The following PGPEP1 variants were observed in gnomAD, a reference collection of about 807,000 sequenced individuals.
PGPEP1 encodes the protein pyroglutamyl-peptidase 1.
Under a neutral mutation model 24.1 loss-of-function variants are expected in PGPEP1, and 15 were observed. The ratio of observed to expected loss-of-function variants is 0.62; its 90% CI spans 0.42 to 0.96. PGPEP1 has a LOEUF of 0.96. Ranked by LOEUF, PGPEP1 falls within the 40% of genes least tolerant of loss-of-function variation. PGPEP1 has a pLI of 0.00. For synonymous variants in PGPEP1, 122 were observed against 116.4 expected, an observed-to-expected ratio of 1.05 and a Z score of -0.31; for missense variants, 242 against 273.4, an observed-to-expected ratio of 0.89 and a Z score of 0.81.
intron 1 of PGPEP1, 27 bp from the exon 2 acceptor site, chr19:18,342,832 A>T: frequency 6.3e-7 from 1 of 1,590,738 alleles, no homozygotes; most frequent in Non-Finnish European, 8.6e-7. Flanking sequence ...ACTCTTGGGT[A>T]ATATATTGCT....
intron 4 of PGPEP1, among the ~76,000 whole-genome samples, chr19:18,358,503 AC>A (rs1034707379): frequency 2.6e-5 from 4 of 151,352 alleles, no homozygotes; most frequent in Admixed American, 2.0e-4. Context: ...CAGGTGATGC[AC>A]CCACCTCTGC....
chr19:18,354,624 C>G (rs1971126901), intron 2 of PGPEP1, among the ~76,000 whole-genome samples: 2 of 151,904 alleles, frequency 1.3e-5, no homozygotes, highest in African/African-American at 4.8e-5. Flanking sequence ...CTTAGGTAAT[C>G]CTCCCATCTC....
intron 2 of PGPEP1, among the ~76,000 whole-genome samples, chr19:18,345,124 C>T (rs1274099822): frequency 3.9e-5 from 6 of 151,980 alleles, no homozygotes; most frequent in Admixed American, 2.6e-4. Flanking sequence ...CCTCAGCCTC[C>T]CTTAGTAGCT....
intron 2 of PGPEP1, among the ~76,000 whole-genome samples, chr19:18,347,985 A>G (rs1427563590): frequency 6.6e-6 from 1 of 152,114 alleles, no homozygotes; most frequent in Admixed American, 6.6e-5. Context: ...AGTCATGCCC[A>G]CAGCATAGGT....
At chr19:18,361,691 G>C (rs1236440879) in intron 4 of PGPEP1, 1 of 980,406 alleles carries the variant, frequency 1.0e-6, no homozygotes, top group African/African-American at 1.8e-5. Flanking sequence ...TTTCCATAGC[G>C]GTCCCTCTGA....
Position 18,363,840 on chromosome 19 carries a change from G to T in PGPEP1, c.*257G>T. 2.8e-6 allele frequency: 1 copy of T among 359,018 alleles called. No individual in the cohort carries two copies. Among genetic ancestry groups the T allele is most frequent in the Non-Finnish European group, 5.1e-6 (1 of 194,912 alleles). The allele number at this position is 359,018 out of a possible 1,614,324, so 22.2% of individuals were successfully genotyped here. A position where few individuals can be genotyped will look rare whatever the true frequency, so the allele number is the denominator to read the frequency against. On this transcript the variant is annotated 3_prime_UTR_variant, in exon 5 of 5. Transcript: ENST00000269919. Reference sequence around the variant, plus strand: ...ACAGCTGCCGTGACCAGGGAGGCCAGCCTGGGAGGTCCAGATGCCCAGGGA... The same window carrying T: ...ACAGCTGCCGTGACCAGGGAGGCCATCCTGGGAGGTCCAGATGCCCAGGGA...
At chr19:18,341,053 TGGA>T (rs1012275593) in intron 1 of PGPEP1, among the ~76,000 whole-genome samples, 8 of 152,134 alleles carry the variant, frequency 5.3e-5, no homozygotes, top group Non-Finnish European at 1.2e-4. Flanking sequence ...CGGGCTGGAC[TGGA>T]CCCTTCCTCC....
Position 18,357,686 on chromosome 19 carries a change from C to G in PGPEP1, c.437+71C>G, listed in dbSNP as rs1038145267. On this transcript the variant is annotated intron_variant, in intron 4 of 4. Coordinates refer to ENST00000269919, the MANE Select transcript of PGPEP1 (RefSeq NM_017712.4). ...CCCACTGAGCCTGGTGTAGAACAAG[C>G]CAAGCGTGTTGACCTTGGCCTCTTT... The G allele has an allele frequency of 4.4e-6, 5 of 1,148,922 alleles. No homozygotes were observed. The African/African-American group carries it at 7.6e-5, about 18-fold the overall frequency. 71.2% of individuals were successfully genotyped at this position (1,148,922 alleles called of 1,614,324 possible).
At position 18,365,748 on chromosome 19, in the gene PGPEP1, G is replaced by C. The variant is rs1391722075; in HGVS notation, c.*2165G>C. The C allele has an allele frequency of 6.6e-6, 1 of 152,176 alleles. No individual in the cohort carries two copies. Among genetic ancestry groups the C allele is most frequent in the Admixed American group, 6.6e-5 (1 of 15,246 alleles). 9.4% of individuals were successfully genotyped at this position (152,176 alleles called of 1,614,324 possible). ...GGTTCCTACCTCTGTTGGGTTTCTAGATAGTTTGGGAACGGGGTTGATGGG... is the reference window on the plus strand; with the variant it reads ...GGTTCCTACCTCTGTTGGGTTTCTACATAGTTTGGGAACGGGGTTGATGGG... On this transcript the variant is annotated 3_prime_UTR_variant, in exon 5 of 5. Transcript: ENST00000269919.
chr19:18,347,270 C>CTTTTTTTTTTT (rs59936417), intron 2 of PGPEP1, among the ~76,000 whole-genome samples: 1,310 of 94,288 alleles, frequency 0.014, 7 homozygotes, highest in Non-Finnish European at 0.019. Context: ...TTCTTTCTTT[C>CTTTTTTTTTTT]TTTTTTTTTT....
chr19:18,360,345 A>G (rs544634443), intron 4 of PGPEP1, among the ~76,000 whole-genome samples: 50 of 151,724 alleles, frequency 3.3e-4, no homozygotes, highest in Non-Finnish European at 6.3e-4. Flanking sequence ...TTTAATTGAA[A>G]ACTAATTGTT....
intron 2 of PGPEP1, among the ~76,000 whole-genome samples, chr19:18,345,849 A>C (rs1222467665): frequency 2.6e-5 from 4 of 151,716 alleles, no homozygotes; most frequent in Non-Finnish European, 4.4e-5. Flanking sequence ...GACCAGCCTG[A>C]CCAATATGGT....
Position 18,364,120 on chromosome 19 carries a change from C to CTTTCTTGCTTTCTTTCTTGCTTTT in PGPEP1, c.*543_*544insGCTTTCTTTCTTGCTTTTTTTCTT, listed in dbSNP as rs1971452130. 1 of 136,564 alleles carries CTTTCTTGCTTTCTTTCTTGCTTTT rather than the reference C, an allele frequency of 7.3e-6. No homozygotes were observed. The highest frequency in any genetic ancestry group is 3.0e-5 in the African/African-American group (1 of 33,234). The allele number at this position is 136,564 out of a possible 1,614,324, so 8.5% of individuals were successfully genotyped here. On this transcript the variant is annotated 3_prime_UTR_variant, in exon 5 of 5. Coordinates refer to ENST00000269919, the MANE Select transcript of PGPEP1 (RefSeq NM_017712.4). ...TCTTTCTTTCTTTCTTTCTTGCTTT[C>CTTTCTTGCTTTCTTTCTTGCTTTT]TTTCTTTCTTGCTTTCTTTCTTCTC...
At position 18,363,428 on chromosome 19, in the gene PGPEP1, C is replaced by T. The variant is rs2144583687; in HGVS notation, c.475C>T (p.Gln159Ter). The change falls in exon 5 of 5, where the codon CAG becomes TAG. Residue 159 changes from glutamine to a stop codon, truncating the protein, a stop_gained. Transcript: ENST00000269919. LOFTEE classifies it high-confidence loss of function. ...CDFTYYTSLY[Q>*]SHGRSAFVHV... ...CTTTACCTACTACACCTCTTTGTAC[C>T]AGAGTCACGGTCGATCAGCCTTCGT... 1 of 1,613,602 alleles carries T rather than the reference C, an allele frequency of 6.2e-7. No individual in the cohort carries two copies. The highest frequency in any genetic ancestry group is 2.2e-5 in the East Asian group (1 of 44,852).
intron 2 of PGPEP1, among the ~76,000 whole-genome samples, chr19:18,353,724 C>T (rs1027204309): frequency 1.3e-5 from 2 of 152,150 alleles, no homozygotes; most frequent in Non-Finnish European, 2.9e-5. Context: ...CATTTCATAT[C>T]AATGGAATCA....
At chr19:18,347,514 G>T (rs1019602497) in intron 2 of PGPEP1, among the ~76,000 whole-genome samples, 1 of 150,530 alleles carries the variant, frequency 6.6e-6, no homozygotes, top group East Asian at 1.9e-4. Flanking sequence ...GTGTGTCTCA[G>T]TTTCTCTCCC....
At chr19:18,352,000 G>A (rs918454017) in intron 2 of PGPEP1, among the ~76,000 whole-genome samples, 1 of 151,600 alleles carries the variant, frequency 6.6e-6, no homozygotes, top group African/African-American at 2.4e-5. Flanking sequence ...GGCCGGGCGC[G>A]GTGGCTCACG....
chr19:18,342,729 C>G, intron 1 of PGPEP1, 130 bp from the exon 2 acceptor site: 1 of 707,642 alleles, frequency 1.4e-6, no homozygotes, highest in Non-Finnish European at 2.5e-6. Flanking sequence ...GACCAGGCCC[C>G]CAATGTTGTC....
intron 2 of PGPEP1, among the ~76,000 whole-genome samples, chr19:18,347,266 C>CTTTTT (rs1487612760): frequency 5.3e-5 from 3 of 56,670 alleles, no homozygotes; most frequent in South Asian, 8.2e-4. Context: ...TTCTTTCTTT[C>CTTTTT]TTTCTTTTTT....
Sources: gnomAD v4.1 joint callset for allele counts (sites outside exome capture counted in the v4.1 genomes callset) on GRCh38, gnomAD v4.1.1 for gene constraint, MANE v1.5 for transcripts, NCBI Gene and HGNC (gene_info 2026-07-23, HGNC 2026-07-21) for gene names.